Variants in PRKAR2A observed in about 807,000 individuals in gnomAD.
PRKAR2A encodes the protein protein kinase cAMP-dependent type II regulatory subunit alpha.
In PRKAR2A, 29 loss-of-function variants were observed where a neutral mutation model predicts 51.9. The ratio of observed to expected loss-of-function variants is 0.56; its 90% CI spans 0.42 to 0.76. PRKAR2A has a LOEUF of 0.76. PRKAR2A is among the 30% of genes least tolerant of loss of function. The pLI is 0.00. For synonymous variants in PRKAR2A, 178 were observed against 186.2 expected (o/e 0.96, Z 0.36); for missense variants, 445 against 512.1 (o/e 0.87, Z 1.26).
At chr3:48,801,273 C>T (rs2082585865) in intron 2 of PRKAR2A, among the ~76,000 whole-genome samples, 1 of 152,220 alleles carries the variant, frequency 6.6e-6, no homozygotes, top group Non-Finnish European at 1.5e-5. Context: ...CTGCCTCAGC[C>T]TCCCAGGTAG....
intron 6 of PRKAR2A, among the ~76,000 whole-genome samples, chr3:48,766,790 C>T (rs1167851910): frequency 6.6e-6 from 1 of 152,082 alleles, no homozygotes; most frequent in Non-Finnish European, 1.5e-5. Context: ...GGGAGGAATA[C>T]GCAAGATGGA....
rs2081753139 is a variant in PRKAR2A at position 48,755,810 on chromosome 3, GCT to G, written c.939+567_939+568del. On this transcript the variant is annotated intron_variant, in intron 9 of 10. Transcript: ENST00000265563. ...TTTTTTTTTTTTTTGACGGAGTCTC[GCT>G]CTGTCGCCCAGGCTGGAGTGCAGTG... Among the ~76,000 whole-genome samples, 4 of 133,274 alleles carry G rather than the reference GCT, an allele frequency of 3.0e-5. No homozygotes were observed. The Admixed American group carries it at 3.4e-4, about 11-fold the overall frequency. The allele number at this position is 133,274 out of a possible 152,430, so 87.4% of individuals were successfully genotyped here. A position where few individuals can be genotyped will look rare whatever the true frequency, so the allele number is the denominator to read the frequency against.
intron 2 of PRKAR2A, among the ~76,000 whole-genome samples, chr3:48,800,457 G>A (rs932297802): frequency 2.0e-5 from 3 of 150,608 alleles, no homozygotes; most frequent in Admixed American, 6.6e-5. Flanking sequence ...AGGTTGCAGT[G>A]AGCCAAGATC....
chr3:48,793,922 G>C (rs1171495861), intron 3 of PRKAR2A, 75 bp downstream of exon 3: 1 of 1,142,938 alleles, frequency 8.7e-7, no homozygotes, highest in East Asian at 2.3e-5. Flanking sequence ...AGCATGATGA[G>C]TTTTTGGTAT....
intron 2 of PRKAR2A, among the ~76,000 whole-genome samples, chr3:48,799,838 C>CT (rs890925548): frequency 1.1e-4 from 16 of 152,002 alleles, no homozygotes; most frequent in Non-Finnish European, 1.9e-4. Flanking sequence ...AAAAGTTGGG[C>CT]TTTTTTTGAC....
chr3:48,796,206 A>C (rs568345844), intron 2 of PRKAR2A, among the ~76,000 whole-genome samples: 5 of 152,292 alleles, frequency 3.3e-5, no homozygotes, highest in Admixed American at 6.5e-5. Context: ...ACCAGAGGTA[A>C]TTTATTGCCT....
At chr3:48,823,083 T>TA (rs2032985050) in intron 1 of PRKAR2A, among the ~76,000 whole-genome samples, 1 of 152,136 alleles carries the variant, frequency 6.6e-6, no homozygotes, top group East Asian at 1.9e-4. Context: ...TTTTTTTTTT[T>TA]AACATAGAGA....
At position 48,807,647 on chromosome 3, in the gene PRKAR2A, A is replaced by G; in HGVS notation, c.298+2T>C. 3.1e-6 allele frequency: 5 copies of G among 1,589,920 alleles called. No individual in the cohort carries two copies. The highest frequency in any genetic ancestry group is 4.3e-6 in the Non-Finnish European group (5 of 1,159,110). ...AAGTATGTTATGAAATAGAACACAT[A>G]CCTGATACTCGTCTATTAAATCTGC... On this transcript the variant is annotated splice_donor_variant, in intron 2 of 10. Transcript: ENST00000265563. LOFTEE classifies it high-confidence loss of function.
intron 1 of PRKAR2A, among the ~76,000 whole-genome samples, chr3:48,811,431 T>C (rs1376058979): frequency 6.6e-6 from 1 of 152,168 alleles, no homozygotes; most frequent in African/African-American, 2.4e-5. Context: ...ACTGCAATCA[T>C]GGCACTGCAC....
chr3:48,764,546 C>A (rs1401449076), intron 8 of PRKAR2A, among the ~76,000 whole-genome samples: 1 of 152,152 alleles, frequency 6.6e-6, no homozygotes, highest in Non-Finnish European at 1.5e-5. Flanking sequence ...CAATAAGCTT[C>A]AGAGGACTAC....
intron 1 of PRKAR2A, among the ~76,000 whole-genome samples, chr3:48,822,448 G>A (rs1489801297): frequency 6.6e-6 from 1 of 152,040 alleles, no homozygotes; most frequent in Admixed American, 6.6e-5. Flanking sequence ...GAATCTATAT[G>A]CTTAGATTAG....
rs953191366 is a variant in PRKAR2A at position 48,747,375 on chromosome 3, C to T, written c.*4210G>A. ...TTAGAGGGTAGCTTGTACACTGTGA[C>T]ATGACATGAAATGCTGTGTGCCCAG... On this transcript the variant is annotated 3_prime_UTR_variant, in exon 11 of 11. Coordinates refer to ENST00000265563, the MANE Select transcript of PRKAR2A (RefSeq NM_004157.4). The T allele has an allele frequency of 5.9e-5, 9 of 152,136 alleles. No homozygotes were observed. The highest frequency in any genetic ancestry group is 2.2e-4 in the African/African-American group (9 of 41,416). The allele number at this position is 152,136 out of a possible 1,614,324, so 9.4% of individuals were successfully genotyped here.
rs189543347 is a variant in PRKAR2A at position 48,772,520 on chromosome 3, A to G, written c.696+435T>C. Among the ~76,000 whole-genome samples the G allele has an allele frequency of 2.5e-4, 38 of 152,160 alleles. No individual in the cohort carries two copies. In the East Asian group the frequency reaches 5.0e-3, roughly 20 times the overall value. ...CCGTGCCTGGCCCCCATTATTTATT[A>G]TTCCCCTATACAAATCTATTCTTGA... is the stretch of plus-strand genomic sequence containing the variant. On this transcript the variant is annotated intron_variant, in intron 6 of 10. Transcript: ENST00000265563.
intron 1 of PRKAR2A, among the ~76,000 whole-genome samples, chr3:48,832,357 C>T (rs1023063591): frequency 6.6e-6 from 1 of 151,192 alleles, no homozygotes; most frequent in Non-Finnish European, 1.5e-5. Context: ...GCTATCTGGG[C>T]TTGGACCAAG....
chr3:48,780,666 CCAAAGGTTACT>C (rs2082180822), intron 5 of PRKAR2A, among the ~76,000 whole-genome samples: 1 of 150,592 alleles, frequency 6.6e-6, no homozygotes, highest in African/African-American at 2.4e-5. Flanking sequence ...TAGCAAGAAC[CCAAAGGTTACT>C]CAAGGAGGGA....
rs374088947 is a variant in PRKAR2A at position 48,823,323 on chromosome 3, G to A, written c.263-15639C>T. 1.6e-3 allele frequency among the ~76,000 whole-genome samples: 251 copies of A among 152,122 alleles called. 7 individuals are homozygous for A. The South Asian group carries it at 0.049, about 30-fold the overall frequency. On this transcript the variant is annotated intron_variant, in intron 1 of 10. Coordinates refer to ENST00000265563, the MANE Select transcript of PRKAR2A (RefSeq NM_004157.4). ...GACTGGTGTCTAAAGGGGGTGTCGG[G>A]GGGGTGCTGTCTTACGGGTTGAGCC...
chr3:48,756,118 T>C (rs1353258085), intron 9 of PRKAR2A, among the ~76,000 whole-genome samples: 1 of 152,198 alleles, frequency 6.6e-6, no homozygotes, highest in African/African-American at 2.4e-5. Flanking sequence ...ATCTTTTTCT[T>C]ATTGATTTGT....
intron 6 of PRKAR2A, among the ~76,000 whole-genome samples, chr3:48,768,354 G>GAC (rs952058773): frequency 1.9e-4 from 29 of 151,314 alleles, no homozygotes; most frequent in African/African-American, 6.5e-4. Flanking sequence ...TAGACAGACA[G>GAC]AGAGACAGAC....
At position 48,768,606 on chromosome 3, in the gene PRKAR2A, G is replaced by A. The variant is rs144190427; in HGVS notation, c.697-3257C>T. 4.0e-3 allele frequency among the ~76,000 whole-genome samples: 615 copies of A among 152,114 alleles called. 7 individuals are homozygous for A. The highest frequency in any genetic ancestry group is 0.014 in the African/African-American group (584 of 41,484). On this transcript the variant is annotated intron_variant, in intron 6 of 10. Transcript: ENST00000265563. ...CCAGCTACTTGGGAGGCTGAGGCAT[G>A]AGAATTACTTGAACCCTGGAGGCAG...
Sources: gnomAD v4.1 joint callset for allele counts (sites outside exome capture counted in the v4.1 genomes callset) on GRCh38, gnomAD v4.1.1 for gene constraint, MANE v1.5 for transcripts, NCBI Gene and HGNC (gene_info 2026-07-23, HGNC 2026-07-21) for gene names.